The following CHAT variants were observed in gnomAD, a reference collection of about 807,000 sequenced individuals.
CHAT encodes the protein choline O-acetyltransferase.
A neutral mutation model predicts 76.9 loss-of-function variants in CHAT; 61 were observed. That is an observed-to-expected ratio of 0.79 (90% CI 0.65 to 0.98). The LOEUF is 0.98. Among genes scored for constraint, CHAT ranks in the 50% least tolerant of loss-of-function variants. The pLI is 0.00. For missense variants in CHAT, 946 were observed against 986.9 expected, an observed-to-expected ratio of 0.96 and a Z score of 0.56; for synonymous variants, 407 against 397.4, an observed-to-expected ratio of 1.02 and a Z score of -0.29.
chr10:49,633,978 C>T (rs10857520), intron 7 of CHAT, among the ~76,000 whole-genome samples: 79,369 of 152,050 alleles, frequency 0.52, 21,145 homozygotes, highest in East Asian at 0.58. Context: ...ATTTACGTAT[C>T]GTCATCCAGA....
chr10:49,610,725 G>A (rs1209385700), upstream of CHAT: 1 of 1,487,416 alleles, frequency 6.7e-7, no homozygotes, highest in Non-Finnish European at 8.9e-7. Flanking sequence ...CCTCGGAAGA[G>A]CATCGGGGTG....
At chr10:49,644,513 A>T (rs1428934498) in intron 7 of CHAT, among the ~76,000 whole-genome samples, 1 of 152,162 alleles carries the variant, frequency 6.6e-6, no homozygotes, top group Non-Finnish European at 1.5e-5. Context: ...GATCAGACTG[A>T]GGCAGGGAAG....
intron 7 of CHAT, among the ~76,000 whole-genome samples, chr10:49,638,358 A>T (rs937182804): frequency 6.6e-6 from 1 of 152,260 alleles, no homozygotes; most frequent in African/African-American, 2.4e-5. Context: ...TGTAGACAGC[A>T]TATAGCTGGG....
At chr10:49,652,745 C>T (rs1161270478) in intron 11 of CHAT, among the ~76,000 whole-genome samples, 1 of 152,236 alleles carries the variant, frequency 6.6e-6, no homozygotes, top group African/African-American at 2.4e-5. Context: ...GAAGTGCCCC[C>T]TGTGGACTGG....
At chr10:49,612,631 T>A (rs1838332244), upstream of CHAT, 5 of 391,686 alleles carry the variant, frequency 1.3e-5, no homozygotes, top group Admixed American at 4.5e-5. Flanking sequence ...TGCATCTGTC[T>A]GTCCTTCCTT....
At chr10:49,640,230 G>A (rs1157803663) in intron 7 of CHAT, among the ~76,000 whole-genome samples, 1 of 152,100 alleles carries the variant, frequency 6.6e-6, no homozygotes, top group African/African-American at 2.4e-5. Context: ...GGAGTACAGT[G>A]GTGTGATGTC....
intron 3 of CHAT, among the ~76,000 whole-genome samples, chr10:49,620,214 T>C (rs922821368): frequency 3.9e-4 from 58 of 148,818 alleles, no homozygotes; most frequent in African/African-American, 1.3e-3. Flanking sequence ...GAAGAGAGGG[T>C]GAAAGGCAGG....
intron 9 of CHAT, 21 bp downstream of exon 9, chr10:49,648,628 T>C (rs1590609673): frequency 3.8e-6 from 6 of 1,565,562 alleles, no homozygotes; most frequent in Non-Finnish European, 2.6e-6. Context: ...ATCCCAGGGC[T>C]GCCATGCTGG....
chr10:49,662,886 T>C (rs552814380), intron 14 of CHAT, 104 bp downstream of exon 14: 13 of 1,389,104 alleles, frequency 9.4e-6, no homozygotes, highest in Non-Finnish European at 1.3e-5. Flanking sequence ...ATCCTGCCTC[T>C]GCTTTTTCTG....
intron 2 of CHAT, among the ~76,000 whole-genome samples, chr10:49,618,946 C>G (rs1838597770): frequency 6.6e-6 from 1 of 152,292 alleles, no homozygotes; most frequent in East Asian, 1.9e-4. Context: ...GGATGAGGAG[C>G]AGAGGCTTGG....
upstream of CHAT, chr10:49,611,544 G>T (rs1388600832): frequency 6.2e-7 from 1 of 1,603,620 alleles, no homozygotes; most frequent in Middle Eastern, 1.7e-4. Context: ...CCTTCTCGGC[G>T]GCTGCACGGG....
intron 7 of CHAT, among the ~76,000 whole-genome samples, chr10:49,632,929 C>CGGTG (rs950695631): frequency 6.6e-6 from 1 of 152,238 alleles, no homozygotes; most frequent in Non-Finnish European, 1.5e-5. Flanking sequence ...GGCTCAGACA[C>CGGTG]GGTGCAGGAG....
intron 13 of CHAT, among the ~76,000 whole-genome samples, chr10:49,659,323 T>G (rs1201649719): frequency 6.6e-6 from 1 of 152,110 alleles, no homozygotes; most frequent in Non-Finnish European, 1.5e-5. Flanking sequence ...CCATTTCTCA[T>G]AAAGCTACTG....
In CHAT at chr10:49,622,094, C is replaced by A; in HGVS notation, c.699-3C>A. On this transcript the variant is annotated splice_region_variant and splice_polypyrimidine_tract_variant and intron_variant, in intron 4 of 14. Transcript: ENST00000337653. ...AGGGCTCAGGCCTCCCTTCTCCCTG[C>A]AGGTTTGCAGCCAGCCTCATCTCTG... 1 of 1,155,074 alleles carries A rather than the reference C, an allele frequency of 8.7e-7. No individual in the cohort carries two copies. The highest frequency in any genetic ancestry group is 3.4e-5 in the African/African-American group (1 of 29,570). The allele number at this position is 1,155,074 out of a possible 1,614,324, so 71.6% of individuals were successfully genotyped here.
upstream of CHAT, chr10:49,611,076 G>A: frequency 1.2e-6 from 2 of 1,614,072 alleles, no homozygotes; most frequent in Non-Finnish European, 1.7e-6. Flanking sequence ...CAGCCCTTCG[G>A]CCCCGCTACC....
chr10:49,663,709 G>C (rs1840269273), intron 14 of CHAT, among the ~76,000 whole-genome samples: 1 of 152,164 alleles, frequency 6.6e-6, no homozygotes, highest in Non-Finnish European at 1.5e-5. Context: ...AGGCTGGATG[G>C]GCAGTACTGG....
At chr10:49,651,785 C>T (rs548167952) in intron 10 of CHAT, 99 bp from the exon 11 acceptor site, 47 of 1,276,720 alleles carry the variant, frequency 3.7e-5, no homozygotes, top group South Asian at 1.2e-4. Context: ...CCTTCCAGAA[C>T]GCTAGGACAC....
chr10:49,623,174 C>T (rs1838791114), intron 5 of CHAT, among the ~76,000 whole-genome samples: 1 of 152,166 alleles, frequency 6.6e-6, no homozygotes. Flanking sequence ...CATTCTATTT[C>T]CTCCCAGAAC....
upstream of CHAT, chr10:49,611,081 G>T (rs1206682453): frequency 6.2e-7 from 1 of 1,614,038 alleles, no homozygotes; most frequent in South Asian, 1.1e-5. Context: ...CTTCGGCCCC[G>T]CTACCCTACG....
Sources: allele counts gnomAD v4.1 joint callset (sites outside exome capture counted in the v4.1 genomes callset), GRCh38; gene constraint gnomAD v4.1.1; transcripts MANE v1.5; gene names NCBI Gene and HGNC (gene_info 2026-07-23, HGNC 2026-07-21).